MAGI1: variants seen among roughly 807,000 people sequenced by gnomAD.
MAGI1 encodes the protein membrane-associated guanylate kinase, WW and PDZ domain-containing protein 1.
In MAGI1, 58 loss-of-function variants were observed where a neutral mutation model predicts 139.9. The ratio of observed to expected loss-of-function variants is 0.41; its 90% CI spans 0.34 to 0.52. MAGI1 has a LOEUF of 0.52. MAGI1 is among the 20% of genes least tolerant of loss of function. The pLI is 0.12. For synonymous variants in MAGI1, 812 were observed against 737.9 expected (o/e 1.10, Z -1.63); for missense variants, 1,874 against 1,901.6 (o/e 0.99, Z 0.27).
chr3:65,944,654 G>A (rs1284511376), intron 1 of MAGI1, among the ~76,000 whole-genome samples: 1 of 152,206 alleles, frequency 6.6e-6, no homozygotes, highest in Non-Finnish European at 1.5e-5. Flanking sequence ...GAGGGAGGGA[G>A]CCATGAAGGG....
chr3:65,982,192 G>A (rs537807652), intron 1 of MAGI1, among the ~76,000 whole-genome samples: 48 of 152,260 alleles, frequency 3.2e-4, no homozygotes, highest in African/African-American at 1.1e-3. Flanking sequence ...CCTGAGCATC[G>A]GCCCTCTCCT....
At chr3:65,534,418 A>C (rs2107865977) in intron 2 of MAGI1, among the ~76,000 whole-genome samples, 1 of 152,290 alleles carries the variant, frequency 6.6e-6, no homozygotes, top group East Asian at 1.9e-4. Flanking sequence ...TGAGCCCAGG[A>C]GTTCAAGGCT....
chr3:65,509,299 G>A (rs1687021817), intron 2 of MAGI1, among the ~76,000 whole-genome samples: 1 of 152,212 alleles, frequency 6.6e-6, no homozygotes, highest in Non-Finnish European at 1.5e-5. Flanking sequence ...TTTTGGGGAG[G>A]AGCCAAGATG....
chr3:65,378,653 A>G (rs1039907173), intron 17 of MAGI1, among the ~76,000 whole-genome samples: 1 of 150,664 alleles, frequency 6.6e-6, no homozygotes, highest in African/African-American at 2.4e-5. Flanking sequence ...AGGGGTTCCT[A>G]TTCAAATTTC....
At chr3:65,681,230 A>G (rs1305051873) in intron 1 of MAGI1, among the ~76,000 whole-genome samples, 1 of 152,210 alleles carries the variant, frequency 6.6e-6, no homozygotes, top group Non-Finnish European at 1.5e-5. Context: ...AATAATTCTA[A>G]ATCCTTTCTC....
At chr3:65,418,299 T>C (rs1044244451) in intron 12 of MAGI1, among the ~76,000 whole-genome samples, 14 of 152,170 alleles carry the variant, frequency 9.2e-5, no homozygotes, top group African/African-American at 2.9e-4. Context: ...TGAGTACTAT[T>C]TTCTCCTTAT....
intron 1 of MAGI1, among the ~76,000 whole-genome samples, chr3:65,876,150 T>C (rs1337881165): frequency 1.3e-5 from 2 of 152,046 alleles, no homozygotes. Flanking sequence ...CAAAGCATTT[T>C]ATTCACGTCA....
intron 3 of MAGI1, among the ~76,000 whole-genome samples, chr3:65,490,778 A>G (rs1951958503): frequency 1.5e-5 from 2 of 129,074 alleles, no homozygotes; most frequent in African/African-American, 5.8e-5. Context: ...TGGGAGGGGG[A>G]GGGTGCAGTG....
Position 66,022,143 on chromosome 3 carries a change from C to G in MAGI1, c.313+15853G>C, listed in dbSNP as rs17074327. 4.8e-3 allele frequency among the ~76,000 whole-genome samples: 734 copies of G among 152,324 alleles called. 6 individuals carry two copies. Among genetic ancestry groups the G allele is most frequent in the African/African-American group, 0.017 (697 of 41,572 alleles). ...AAAAGCCTCCAATCCTTACAACCAG[C>G]TGTCTTATTCCCATTAATGGCTTCT... On this transcript the variant is annotated intron_variant, in intron 1 of 22. Coordinates refer to ENST00000402939, the MANE Select transcript of MAGI1 (RefSeq NM_001033057.2).
At chr3:65,444,120 C>T (rs537837388) in intron 7 of MAGI1, among the ~76,000 whole-genome samples, 1 of 152,262 alleles carries the variant, frequency 6.6e-6, no homozygotes, top group South Asian at 2.1e-4. Context: ...GGTTTTCCCC[C>T]CTTTTCTTCT....
rs529216754 is a variant in MAGI1 at position 65,870,927 on chromosome 3, CATATAA to C, written c.313+167063_313+167068del. Among the ~76,000 whole-genome samples the C allele has an allele frequency of 2.6e-3, 399 of 151,988 alleles. 2 individuals carry two copies. The highest frequency in any genetic ancestry group is 3.9e-3 in the Non-Finnish European group (263 of 67,974). On this transcript the variant is annotated intron_variant, in intron 1 of 22. Coordinates refer to ENST00000402939, the MANE Select transcript of MAGI1 (RefSeq NM_001033057.2). ...TTGAGATGAGACTCCATCTCATACA[CATATAA>C]ATATAAGTACAAAATTTTTTTTTGA...
intron 1 of MAGI1, among the ~76,000 whole-genome samples, chr3:65,727,016 G>A (rs1049009988): frequency 1.1e-4 from 16 of 149,704 alleles, no homozygotes; most frequent in African/African-American, 3.9e-4. Context: ...CATTCCAGAT[G>A]AGGAATATTC....
At chr3:65,461,646 G>A (rs531393144) in intron 5 of MAGI1, among the ~76,000 whole-genome samples, 93 of 151,374 alleles carry the variant, frequency 6.1e-4, no homozygotes, top group Non-Finnish European at 1.2e-3. Context: ...CCGCCACCAC[G>A]CCTGGCTAAT....
chr3:65,596,713 G>C (rs1257750203), intron 2 of MAGI1, among the ~76,000 whole-genome samples: 2 of 152,120 alleles, frequency 1.3e-5, no homozygotes, highest in Non-Finnish European at 2.9e-5. Flanking sequence ...TAGCCTTCCT[G>C]AATCTTCAAA....
chr3:65,861,313 ACTCT>A (rs1427498096), intron 1 of MAGI1, among the ~76,000 whole-genome samples: 4 of 151,932 alleles, frequency 2.6e-5, no homozygotes, highest in Admixed American at 6.6e-5. Flanking sequence ...CCAGGTGAGT[ACTCT>A]CTGGTCCAGT....
At chr3:65,995,999 A>AAAAAC (rs2066427922) in intron 1 of MAGI1, among the ~76,000 whole-genome samples, 1 of 152,178 alleles carries the variant, frequency 6.6e-6, no homozygotes, top group East Asian at 1.9e-4. Flanking sequence ...CCCTTTCTCA[A>AAAAAC]AAAACAAAAC....
chr3:65,576,709 C>A (rs2081195627), intron 2 of MAGI1, among the ~76,000 whole-genome samples: 1 of 152,146 alleles, frequency 6.6e-6, no homozygotes, highest in South Asian at 2.1e-4. Flanking sequence ...AGGAAGCCTC[C>A]TATTGACTAA....
rs181486602 is a variant in MAGI1, at chr3:65,534,392, G to A, written c.431-40761C>T. ...GGTAGTCCCAGATACTCAGGAGGCC[G>A]AGGTGGAGGATTATCTGAGCCCAGG... On this transcript the variant is annotated intron_variant, in intron 2 of 22. Coordinates refer to ENST00000402939, the MANE Select transcript of MAGI1 (RefSeq NM_001033057.2). 2.0e-3 allele frequency among the ~76,000 whole-genome samples: 302 copies of A among 152,248 alleles called. 2 individuals carry two copies. The highest frequency in any genetic ancestry group is 7.0e-3 in the African/African-American group (289 of 41,544).
intron 2 of MAGI1, among the ~76,000 whole-genome samples, chr3:65,615,112 A>G (rs778694027): frequency 6.6e-6 from 1 of 152,142 alleles, no homozygotes; most frequent in African/African-American, 2.4e-5. Flanking sequence ...GAAGTAACTG[A>G]CATGGACTAG....
Sources: allele counts gnomAD v4.1 joint callset (sites outside exome capture counted in the v4.1 genomes callset), GRCh38; gene constraint gnomAD v4.1.1; transcripts MANE v1.5; gene names NCBI Gene and HGNC (gene_info 2026-07-23, HGNC 2026-07-21).